Variants in MPRIP observed in about 807,000 individuals in gnomAD.
MPRIP encodes the protein myosin phosphatase Rho-interacting protein.
MPRIP carries 59 observed loss-of-function variants against 234.9 expected under a neutral mutation model. The ratio of observed to expected loss-of-function variants is 0.25; its 90% CI spans 0.20 to 0.31. MPRIP has a LOEUF of 0.31. Among genes scored for constraint, MPRIP ranks in the 10% least tolerant of loss-of-function variants. MPRIP has a pLI of 1.00. For missense variants in MPRIP, 2,436 were observed against 3,071.0 expected, an observed-to-expected ratio of 0.79 and a Z score of 4.89; for synonymous variants, 1,144 against 1,263.9, an observed-to-expected ratio of 0.91 and a Z score of 2.01.
intron 15 of MPRIP, 126 bp from the exon 16 acceptor site, chr17:17,163,983 A>T: frequency 2.0e-6 from 1 of 509,394 alleles, no homozygotes; most frequent in Non-Finnish European, 3.0e-6. Context: ...AAAAAAATAA[A>T]GTTGTACAAA....
chr17:17,106,230 A>C (rs527365557), intron 3 of MPRIP, among the ~76,000 whole-genome samples: 48 of 152,298 alleles, frequency 3.2e-4, no homozygotes, highest in African/African-American at 1.1e-3. Context: ...CCCGTTTTCT[A>C]CTGAGTGACT....
chr17:17,168,247 C>T, intron 16 of MPRIP: 2 of 275,462 alleles, frequency 7.3e-6, no homozygotes, highest in South Asian at 3.7e-5. Flanking sequence ...CCTTGCCAGC[C>T]TTGCCTCCTT....
Position 17,176,516 on chromosome 17 carries a change from A to G in MPRIP, c.6957+4A>G. The G allele has an allele frequency of 6.2e-7, 1 of 1,611,622 alleles. No individual in the cohort carries two copies. The highest frequency in any genetic ancestry group is 1.3e-5 in the African/African-American group (1 of 75,020). On this transcript the variant is annotated splice_donor_region_variant and intron_variant, in intron 21 of 23. Coordinates refer to ENST00000651222, the MANE Select transcript of MPRIP (RefSeq NM_001364716.4). ...TGAGCTGCAGACGGCACTGCGGGTAAGGCCACCGCACCACAGGAGGGCGGG... is the reference window on the plus strand; with the variant it reads ...TGAGCTGCAGACGGCACTGCGGGTAGGGCCACCGCACCACAGGAGGGCGGG...
intron 13 of MPRIP, among the ~76,000 whole-genome samples, chr17:17,157,568 C>T (rs2045756316): frequency 6.6e-6 from 1 of 152,232 alleles, no homozygotes; most frequent in Admixed American, 6.5e-5. Flanking sequence ...GGCACAGTAG[C>T]TCACGCCTGT....
chr17:17,043,118 T>A, intron 1 of MPRIP, 147 bp downstream of exon 1: 1 of 761,610 alleles, frequency 1.3e-6, no homozygotes, highest in Non-Finnish European at 2.1e-6. Flanking sequence ...GGAAGTGCAT[T>A]GACAGAGCTG....
At position 17,173,977 on chromosome 17, in the gene MPRIP, T is replaced by C; in HGVS notation, c.6652T>C (p.Cys2218Arg). Reference sequence around the variant, plus strand: ...CCTCTCGGAGCAGTACTCGCAGAAGTGCCTGGAGAATGCCCATCTGGCCCA... The same window carrying C: ...CCTCTCGGAGCAGTACTCGCAGAAGCGCCTGGAGAATGCCCATCTGGCCCA... ...EVLSEQYSQKCLENAHLAQAL... is the reference protein window; with the variant it reads ...EVLSEQYSQKRLENAHLAQAL... The change falls in exon 19 of 24, where the codon TGC (cysteine) becomes CGC (arginine). Residue 2218 changes from cysteine (C) to arginine (R), a missense_variant. Physicochemically the swap from Cys to Arg is radical, Grantham distance 180. Around this residue, in one of 4 missense-constraint regions of MPRIP, gnomAD observed 1,998 missense variants for 2,520.3 expected, o/e 0.79. Transcript: ENST00000651222. 2 of 1,613,726 alleles carry C rather than the reference T, an allele frequency of 1.2e-6. No homozygotes were observed. Among genetic ancestry groups the C allele is most frequent in the East Asian group, 2.2e-5 (1 of 44,874 alleles).
Position 17,192,100 on chromosome 17 carries a change from G to A in MPRIP, c.*7206G>A, listed in dbSNP as rs1029030918. ...AAAACCTACTGTGCCAAGCTGGGGC[G>A]CTATATGTGAACGGAGTGGAAATGC... On this transcript the variant is annotated 3_prime_UTR_variant, in exon 24 of 24. Coordinates refer to ENST00000651222, the MANE Select transcript of MPRIP (RefSeq NM_001364716.4). 6.6e-6 allele frequency: 1 copy of A among 152,146 alleles called. No individual in the cohort carries two copies. Among genetic ancestry groups the A allele is most frequent in the Non-Finnish European group, 1.5e-5 (1 of 68,018 alleles). 9.4% of individuals were successfully genotyped at this position (152,146 alleles called of 1,614,324 possible).
At chr17:17,086,217 T>C (rs1164597813) in intron 3 of MPRIP, among the ~76,000 whole-genome samples, 1 of 152,110 alleles carries the variant, frequency 6.6e-6, no homozygotes, top group Non-Finnish European at 1.5e-5. Flanking sequence ...GCACAGTCCA[T>C]TGGCTTTCAG....
chr17:17,100,433 T>G (rs2089937233), intron 3 of MPRIP, among the ~76,000 whole-genome samples: 2 of 151,658 alleles, frequency 1.3e-5, no homozygotes, highest in East Asian at 1.9e-4. Flanking sequence ...CATGAATTGG[T>G]GTGTGTGTGT....
At chr17:17,050,044 G>A (rs1020452167) in intron 1 of MPRIP, among the ~76,000 whole-genome samples, 9 of 151,962 alleles carry the variant, frequency 5.9e-5, no homozygotes, top group African/African-American at 1.9e-4. Context: ...TAAATTAGTC[G>A]GGGCCGGGCA....
At chr17:17,111,005 C>T (rs2090156795) in intron 3 of MPRIP, among the ~76,000 whole-genome samples, 1 of 152,024 alleles carries the variant, frequency 6.6e-6, no homozygotes. Context: ...TTGGTTTATT[C>T]ATTGTAGCAA....
intron 16 of MPRIP, chr17:17,168,401 G>C (rs577932663): frequency 1.6e-5 from 4 of 255,412 alleles, no homozygotes; most frequent in Non-Finnish European, 3.1e-5. Context: ...TGCCCTAGGA[G>C]AGCACAGTCG....
At chr17:17,048,646 C>G (rs563396620) in intron 1 of MPRIP, among the ~76,000 whole-genome samples, 1 of 152,104 alleles carries the variant, frequency 6.6e-6, no homozygotes, top group Non-Finnish European at 1.5e-5. Flanking sequence ...TCACTTCATA[C>G]CTGTCAGGAT....
In MPRIP at chr17:17,126,955, C is replaced by G. The variant is rs1486727019; in HGVS notation, c.419+102C>G. 29 of 1,385,536 alleles carry G rather than the reference C, an allele frequency of 2.1e-5. 1 individual carries two copies. In the South Asian group the frequency reaches 3.7e-4, roughly 18 times the overall value. The allele number at this position is 1,385,536 out of a possible 1,614,324, so 85.8% of individuals were successfully genotyped here. A position where few individuals can be genotyped will look rare whatever the true frequency, so the allele number is the denominator to read the frequency against. ...TGGCAGTGTCGATGTTGTCTACTTC[C>G]CCGTGTGCCTCTATTCTTGGGCTCT... On this transcript the variant is annotated intron_variant, in intron 4 of 23. Coordinates refer to ENST00000651222, the MANE Select transcript of MPRIP (RefSeq NM_001364716.4).
chr17:17,096,291 GT>G (rs2089840468), intron 3 of MPRIP, among the ~76,000 whole-genome samples: 34 of 1,688 alleles, frequency 0.02, no homozygotes, highest in Non-Finnish European at 0.042. Context: ...TGTGCAGGGT[GT>G]GTGTGTGTGT....
chr17:17,139,961 G>A (rs906506893), intron 7 of MPRIP, among the ~76,000 whole-genome samples: 9 of 152,244 alleles, frequency 5.9e-5, no homozygotes, highest in African/African-American at 2.2e-4. Flanking sequence ...AGGCTCAGGA[G>A]TAGGTGACTT....
intron 1 of MPRIP, among the ~76,000 whole-genome samples, chr17:17,073,472 A>G (rs1225719569): frequency 6.6e-6 from 1 of 152,196 alleles, no homozygotes; most frequent in Non-Finnish European, 1.5e-5. Context: ...AAGGTCAGGT[A>G]AATGTAGCTG....
chr17:17,183,606 A>G (rs149082464), intron 23 of MPRIP, among the ~76,000 whole-genome samples: 220 of 152,338 alleles, frequency 1.4e-3, no homozygotes, highest in African/African-American at 5.1e-3. Context: ...TAGCTCCAGA[A>G]TATAGCAAAC....
chr17:17,177,733 C>T (rs1433110134), intron 22 of MPRIP, among the ~76,000 whole-genome samples: 2 of 152,100 alleles, frequency 1.3e-5, no homozygotes, highest in Non-Finnish European at 2.9e-5. Flanking sequence ...GCTGCTTGAT[C>T]CTAGGATTTG....
Sources: allele counts gnomAD v4.1 joint callset (sites outside exome capture counted in the v4.1 genomes callset), GRCh38; gene constraint gnomAD v4.1.1; regional missense constraint gnomAD v4.1.1; transcripts MANE v1.5; gene names NCBI Gene and HGNC (gene_info 2026-07-23, HGNC 2026-07-21).